The following VAV3 variants were observed in gnomAD, a reference collection of about 807,000 sequenced individuals.
The protein encoded by VAV3 is guanine nucleotide exchange factor VAV3.
Under a neutral mutation model 131.2 loss-of-function variants are expected in VAV3, and 94 were observed. That is an observed-to-expected ratio of 0.72 (90% CI 0.61 to 0.85). The LOEUF (loss-of-function observed/expected upper bound fraction) is 0.85, where lower values mean the gene tolerates loss of function less well. VAV3 is among the 40% of genes least tolerant of loss of function. The pLI, the probability that VAV3 is intolerant of heterozygous loss-of-function variation, is 0.00. For synonymous variants in VAV3, 349 were observed against 342.0 expected (o/e 1.02, Z -0.22); for missense variants, 939 against 1,002.7 (o/e 0.94, Z 0.86).
intron 1 of VAV3, among the ~76,000 whole-genome samples, chr1:107,876,728 C>G (rs1383344194): frequency 1.3e-5 from 2 of 151,928 alleles, no homozygotes; most frequent in Non-Finnish European, 2.9e-5. Flanking sequence ...ACACACATAC[C>G]CTAACTGCAG....
At chr1:107,892,433 G>T (rs140960098) in intron 1 of VAV3, among the ~76,000 whole-genome samples, 1 of 152,266 alleles carries the variant, frequency 6.6e-6, no homozygotes, top group East Asian at 1.9e-4. Flanking sequence ...CCAAGGAGCA[G>T]CTTTTAACCT....
At chr1:107,838,254 A>T (rs1271117462) in intron 2 of VAV3, among the ~76,000 whole-genome samples, 1 of 152,164 alleles carries the variant, frequency 6.6e-6, no homozygotes, top group South Asian at 2.1e-4. Context: ...AACTTAAATA[A>T]ATCAAGCACA....
intron 25 of VAV3, among the ~76,000 whole-genome samples, chr1:107,580,488 T>C (rs1649965753): frequency 1.3e-5 from 2 of 152,184 alleles, no homozygotes; most frequent in African/African-American, 2.4e-5. Flanking sequence ...CCATACTCTA[T>C]GCCTGAGGAA....
At chr1:107,830,342 A>G (rs2102386585) in intron 2 of VAV3, among the ~76,000 whole-genome samples, 1 of 152,040 alleles carries the variant, frequency 6.6e-6, no homozygotes, top group South Asian at 2.1e-4. Context: ...AGCTGGGACT[A>G]CAGGCATGGA....
intron 2 of VAV3, among the ~76,000 whole-genome samples, chr1:107,829,644 C>A (rs974857322): frequency 7.2e-5 from 11 of 152,042 alleles, no homozygotes; most frequent in African/African-American, 2.7e-4. Flanking sequence ...TCACAAGTAG[C>A]TTAACAAAGT....
At chr1:107,615,274 T>C (rs557429109) in intron 21 of VAV3, among the ~76,000 whole-genome samples, 4 of 152,040 alleles carry the variant, frequency 2.6e-5, no homozygotes, top group Admixed American at 6.6e-5. Flanking sequence ...TGCAGCAACA[T>C]GGATGGAGCT....
At chr1:107,685,532 G>T (rs1342867162) in intron 18 of VAV3, among the ~76,000 whole-genome samples, 1 of 151,926 alleles carries the variant, frequency 6.6e-6, no homozygotes, top group African/African-American at 2.4e-5. Context: ...TATACTTTAG[G>T]TTCTTCCTCC....
intron 1 of VAV3, among the ~76,000 whole-genome samples, chr1:107,921,185 G>A (rs918641292): frequency 6.6e-6 from 1 of 152,036 alleles, no homozygotes. Context: ...CTCTCTCATC[G>A]CTTGCTGCAG....
intron 15 of VAV3, among the ~76,000 whole-genome samples, chr1:107,741,274 CT>C (rs1159486971): frequency 6.6e-6 from 1 of 152,200 alleles, no homozygotes; most frequent in African/African-American, 2.4e-5. Context: ...AGACCAATTT[CT>C]TTTGAAACAC....
chr1:107,640,883 A>T (rs1557725826), intron 20 of VAV3, among the ~76,000 whole-genome samples: 1 of 152,198 alleles, frequency 6.6e-6, no homozygotes, highest in South Asian at 2.1e-4. Flanking sequence ...GCATATTTAT[A>T]TACTATAGAA....
At chr1:107,600,184 T>C (rs1651731180) in intron 24 of VAV3, among the ~76,000 whole-genome samples, 1 of 152,164 alleles carries the variant, frequency 6.6e-6, no homozygotes, top group African/African-American at 2.4e-5. Context: ...CAGAAAGTGA[T>C]TTCACATTGT....
intron 2 of VAV3, among the ~76,000 whole-genome samples, chr1:107,842,285 G>C (rs940661977): frequency 1.3e-5 from 2 of 152,176 alleles, no homozygotes; most frequent in Admixed American, 1.3e-4. Flanking sequence ...CAAGGGAAGG[G>C]AGTTGCGAGA....
At chr1:107,802,937 T>C (rs1396214035) in intron 2 of VAV3, among the ~76,000 whole-genome samples, 2 of 151,854 alleles carry the variant, frequency 1.3e-5, no homozygotes, top group African/African-American at 2.4e-5. Flanking sequence ...CTTTAAATGT[T>C]TGGTAGAATT....
chr1:107,899,333 T>A (rs1671753006), intron 1 of VAV3, among the ~76,000 whole-genome samples: 1 of 152,188 alleles, frequency 6.6e-6, no homozygotes, highest in Non-Finnish European at 1.5e-5. Context: ...CATCCAATCA[T>A]CTCATTCACT....
chr1:107,768,445 A>G lies in VAV3; in HGVS notation c.713T>C (p.Ile238Thr). Residue 238 changes from isoleucine to threonine, a missense_variant, in exon 7 of 27, where the codon ATT (isoleucine) becomes ACT (threonine). Coordinates refer to ENST00000370056, the MANE Select transcript of VAV3 (RefSeq NM_006113.5). ...AGCTAGCATATTTTTACTCACAGGA[A>G]TGTTGATGAATACTGAATCAAATTC... The part of the protein sequence containing the change: ...AAEFDSVFIN[I>T]PELVKLHRNL... 1 of 1,611,038 alleles carries G rather than the reference A, an allele frequency of 6.2e-7. No homozygotes were observed. The highest frequency in any genetic ancestry group is 1.1e-5 in the South Asian group (1 of 90,336).
chr1:107,868,169 G>T (rs986334273), intron 2 of VAV3, among the ~76,000 whole-genome samples: 1 of 152,146 alleles, frequency 6.6e-6, no homozygotes, highest in African/African-American at 2.4e-5. Flanking sequence ...TAAGTCCCAT[G>T]GATGACATAA....
chr1:107,802,679 G>A (rs998405960), intron 2 of VAV3, among the ~76,000 whole-genome samples: 2 of 151,968 alleles, frequency 1.3e-5, no homozygotes, highest in African/African-American at 4.8e-5. Context: ...TCATATCCTA[G>A]GATGCATCCC....
chr1:107,723,027 G>A (rs1463947886), intron 15 of VAV3, among the ~76,000 whole-genome samples: 1 of 151,818 alleles, frequency 6.6e-6, no homozygotes, highest in Non-Finnish European at 1.5e-5. Context: ...AGTCCTTTTT[G>A]TTTGGCTCCA....
intron 2 of VAV3, among the ~76,000 whole-genome samples, chr1:107,816,908 C>A (rs376786032): frequency 5.9e-5 from 9 of 152,158 alleles, no homozygotes; most frequent in Non-Finnish European, 1.2e-4. Context: ...CTTTACTGAT[C>A]ATTGGTAGGC....
Sources: allele counts gnomAD v4.1 joint callset (sites outside exome capture counted in the v4.1 genomes callset), GRCh38; gene constraint gnomAD v4.1.1; transcripts MANE v1.5; gene names NCBI Gene and HGNC (gene_info 2026-07-23, HGNC 2026-07-21).